The following NBPF12 variants were observed in gnomAD, a reference collection of about 807,000 sequenced individuals.
The protein encoded by NBPF12 is NBPF family member NBPF12.
A neutral mutation model predicts 146.4 loss-of-function variants in NBPF12; 115 were observed. The ratio of observed to expected loss-of-function variants is 0.79; its 90% CI spans 0.68 to 0.92. NBPF12 has a LOEUF of 0.92. Among genes scored for constraint, NBPF12 ranks in the 40% least tolerant of loss-of-function variants. NBPF12 has a pLI of 0.00. For synonymous variants in NBPF12, 385 were observed against 508.9 expected, an observed-to-expected ratio of 0.76 and a Z score of 3.28; for missense variants, 1,205 against 1,326.8, an observed-to-expected ratio of 0.91 and a Z score of 1.43.
chr1:146,980,448 G>A (rs1376860129), intron 19 of NBPF12, among the ~76,000 whole-genome samples: 1 of 151,964 alleles, frequency 6.6e-6, no homozygotes, highest in African/African-American at 2.4e-5. Context: ...TGCAGTGGCT[G>A]GTACCGGTTG....
intron 4 of NBPF12, among the ~76,000 whole-genome samples, chr1:146,960,667 G>T (rs1467155172): frequency 6.6e-6 from 1 of 151,900 alleles, no homozygotes; most frequent in Non-Finnish European, 1.5e-5. Context: ...CTAGTCTGTT[G>T]TTCTAAATGT....
In NBPF12 at chr1:146,975,214, C is replaced by G. The variant is rs1460228603; in HGVS notation, c.1904+373C>G. Among the ~76,000 whole-genome samples the G allele has an allele frequency of 4.6e-4, 63 of 137,724 alleles. 1 individual carries two copies. The highest frequency in any genetic ancestry group is 1.2e-3 in the East Asian group (5 of 4,318). 90.4% of individuals were successfully genotyped at this position (137,724 alleles called of 152,430 possible). On this transcript the variant is annotated intron_variant, in intron 15 of 33. Coordinates refer to ENST00000617844, the Ensembl canonical transcript of NBPF12. ...TCCTGACTGACTGCGGCTTCTCATT[C>G]TTTCACTCAATCAATGTTGCCTTCT...
chr1:146,981,277 TAA>T (rs878971787), intron 19 of NBPF12, among the ~76,000 whole-genome samples: 11,912 of 100,960 alleles, frequency 0.12, 1,042 homozygotes, highest in Admixed American at 0.24. Flanking sequence ...CTTAAAGTAT[TAA>T]AAAAAAAAAA....
At chr1:146,951,120 A>G (rs1296476481) in intron 1 of NBPF12, among the ~76,000 whole-genome samples, 1 of 152,046 alleles carries the variant, frequency 6.6e-6, no homozygotes, top group African/African-American at 2.4e-5. Context: ...TGATGACTTC[A>G]GGGACATGAG....
intron 17 of NBPF12, among the ~76,000 whole-genome samples, chr1:146,977,223 C>G (rs1239379962): frequency 7.5e-6 from 1 of 132,906 alleles, no homozygotes; most frequent in Non-Finnish European, 1.6e-5. Context: ...GAGTCTTCAT[C>G]CTTCTCAGCT....
chr1:146,962,603 C>A (rs1655925582), intron 5 of NBPF12, among the ~76,000 whole-genome samples: 1 of 151,602 alleles, frequency 6.6e-6, no homozygotes, highest in African/African-American at 2.4e-5. Context: ...TAGTGAGAAT[C>A]ACCTTCTGAC....
At chr1:146,964,408 T>A (rs1553885239) in exon 7 of NBPF12, 1 of 1,601,508 alleles carries the variant, frequency 6.2e-7, no homozygotes, top group East Asian at 2.2e-5. Flanking sequence ...GATGAGAAAG[T>A]ACTGGAATCA....
intron 6 of NBPF12, among the ~76,000 whole-genome samples, chr1:146,963,772 CACTT>C (rs1372756631): frequency 2.7e-5 from 4 of 148,574 alleles, no homozygotes; most frequent in African/African-American, 1.0e-4. Context: ...AATATGGGAA[CACTT>C]ACGAATGCTT....
intron 11 of NBPF12, among the ~76,000 whole-genome samples, 152 bp from the exon 15 acceptor site, chr1:146,970,495 C>G (rs1288346716): frequency 1.3e-5 from 2 of 151,228 alleles, no homozygotes; most frequent in Non-Finnish European, 2.9e-5. Flanking sequence ...ACCAGGAAAC[C>G]ATGCCAGGGC....
intron 13 of NBPF12, 122 bp from the exon 17 acceptor site, chr1:146,972,629 C>T: frequency 1.1e-6 from 1 of 922,926 alleles, no homozygotes; most frequent in Admixed American, 1.8e-5. Flanking sequence ...AAGGGTGAAA[C>T]CAGGGAAACA....
chr1:146,947,244 C>T (rs1206599681), upstream of NBPF12, among the ~76,000 whole-genome samples: 9 of 151,850 alleles, frequency 5.9e-5, no homozygotes, highest in African/African-American at 1.9e-4. Context: ...CCAGGCTACC[C>T]TCAGCTTCTA....
intron 1 of NBPF12, among the ~76,000 whole-genome samples, chr1:146,941,806 C>T (rs1328154945): frequency 6.9e-6 from 1 of 144,976 alleles, no homozygotes; most frequent in Admixed American, 6.8e-5. Flanking sequence ...AATGCCTAGC[C>T]TAAGAATATG....
intron 4 of NBPF12, among the ~76,000 whole-genome samples, chr1:146,961,119 A>C (rs1168313680): frequency 1.3e-5 from 2 of 152,102 alleles, no homozygotes; most frequent in African/African-American, 4.8e-5. Context: ...GCACTCCAGC[A>C]TGGGTGACAG....
At chr1:146,949,603 A>C (rs1655234214) in intron 1 of NBPF12, among the ~76,000 whole-genome samples, 181 bp downstream of exon 4, 1 of 124,238 alleles carries the variant, frequency 8.0e-6, no homozygotes, top group Admixed American at 8.6e-5. Context: ...TTGAAACCAC[A>C]GAAGTCTGGA....
At chr1:146,962,316 G>A (rs1437899032) in intron 5 of NBPF12, 53 bp downstream of exon 8, 4 of 1,436,708 alleles carry the variant, frequency 2.8e-6, no homozygotes, top group East Asian at 4.5e-5. Flanking sequence ...GATCTCTGAA[G>A]TACAGCAGCT....
At chr1:146,989,356 C>T (rs1657998922) in intron 27 of NBPF12, among the ~76,000 whole-genome samples, 1 of 148,390 alleles carries the variant, frequency 6.7e-6, no homozygotes, top group Admixed American at 6.8e-5. Flanking sequence ...GTCTCTGTCT[C>T]TGTCTCTGTC....
At chr1:146,960,175 A>G in exon 4 of NBPF12, 1 of 682,364 alleles carries the variant, frequency 1.5e-6, no homozygotes, top group Non-Finnish European at 2.5e-6. Flanking sequence ...TGGTCCAGCG[A>G]GAAGGCAGAG....
At chr1:146,946,810 T>C (rs1655096986), upstream of NBPF12, among the ~76,000 whole-genome samples, 1 of 152,010 alleles carries the variant, frequency 6.6e-6, no homozygotes, top group South Asian at 2.1e-4. Flanking sequence ...AGGATTCTTA[T>C]GGTTTTGCAC....
chr1:146,939,610 C>CT (rs1424681185), intron 1 of NBPF12, among the ~76,000 whole-genome samples: 1 of 151,982 alleles, frequency 6.6e-6, no homozygotes, highest in African/African-American at 2.4e-5. Context: ...CTGTGCCTGT[C>CT]TGTCTTTCTT....
Sources: allele counts gnomAD v4.1 joint callset (sites outside exome capture counted in the v4.1 genomes callset), GRCh38; gene constraint gnomAD v4.1.1; transcripts MANE v1.5; gene names NCBI Gene and HGNC (gene_info 2026-07-23, HGNC 2026-07-21).